FOXA3: variants seen among roughly 807,000 people sequenced by gnomAD.
FOXA3 encodes the protein hepatocyte nuclear factor 3-gamma.
In FOXA3, 11 loss-of-function variants were observed where a neutral mutation model predicts 16.9. That is an observed-to-expected ratio of 0.65 (90% CI 0.41 to 1.08). The LOEUF (loss-of-function observed/expected upper bound fraction) is 1.08. Ranked by LOEUF, FOXA3 falls within the 50% of genes least tolerant of loss-of-function variation. The pLI is 0.00. For missense variants in FOXA3, 423 were observed against 470.1 expected (o/e 0.90, Z 0.93); for synonymous variants, 217 against 203.3 (o/e 1.07, Z -0.57).
chr19:45,866,460 G>A (rs1057203580), intron 1 of FOXA3, among the ~76,000 whole-genome samples: 4 of 151,988 alleles, frequency 2.6e-5, no homozygotes, highest in Non-Finnish European at 5.9e-5. Context: ...GCATTTCAGG[G>A]CATATTTTGG....
rs1248034487 is a variant in FOXA3 at position 45,872,561 on chromosome 19, G to A, written c.556G>A (p.Gly186Ser). The change falls in exon 2 of 2, where the codon GGC becomes AGC. Residue 186 changes from glycine to serine, a missense_variant. Coordinates refer to ENST00000302177, the MANE Select transcript of FOXA3 (RefSeq NM_004497.3). This position sits in a 1 kb window ranked among gnomAD's most constrained non-coding sequence, Gnocchi z 4.5. The stretch of plus-strand genomic sequence containing the variant: ...GGTGGCGCGTTCCCCAGACAAGCCT[G>A]GCAAGGGCTCCTACTGGGCCCTACA... ...VKVARSPDKP[G>S]KGSYWALHPS... 6.2e-7 allele frequency: 1 copy of A among 1,614,140 alleles called. No individual in the cohort carries two copies. Among genetic ancestry groups the A allele is most frequent in the South Asian group, 1.1e-5 (1 of 91,088 alleles).
intron 1 of FOXA3, 89 bp downstream of exon 1, chr19:45,864,614 A>G: frequency 8.9e-7 from 1 of 1,125,290 alleles, no homozygotes; most frequent in Non-Finnish European, 1.2e-6. Context: ...GTGGGTTCAA[A>G]TGGAGGCAAA....
chr19:45,872,736 C>G lies in FOXA3; in HGVS notation c.731C>G (p.Ala244Gly). The G allele has an allele frequency of 6.2e-7, 1 of 1,601,748 alleles. No homozygotes were observed. The highest frequency in any genetic ancestry group is 8.5e-7 in the Non-Finnish European group (1 of 1,174,806). The change falls in exon 2 of 2, where the codon GCG becomes GGG. Residue 244 changes from alanine (A) to glycine (G), a missense_variant. Ala to Gly is a moderately conservative substitution (Grantham distance 60). Transcript: ENST00000302177. This position sits in a 1 kb window ranked among gnomAD's most constrained non-coding sequence, Gnocchi z 4.5. ...TGSAASTTTP[A>G]ATVTSPPQPP... ...TCTGCTGCCTCGACCACCACCCCCG[C>G]GGCCACAGTCACCTCCCCGCCCCAG...
chr19:45,871,511 G>A (rs554747767), intron 1 of FOXA3, among the ~76,000 whole-genome samples: 31 of 151,428 alleles, frequency 2.0e-4, no homozygotes, highest in African/African-American at 7.3e-4. Flanking sequence ...CAGATCACGA[G>A]GTCAGGAGTT....
rs185512260 is a variant in FOXA3 at position 45,871,378 on chromosome 19, C to A, written c.70-697C>A. ...CATTCTCTCTGTTGGAATATCAACA[C>A]CCCCTGGAAAACTCCACTGTACACT... is the stretch of plus-strand genomic sequence containing the variant. On this transcript the variant is annotated intron_variant, in intron 1 of 1. Transcript: ENST00000302177. 7.9e-5 allele frequency among the ~76,000 whole-genome samples: 12 copies of A among 152,154 alleles called. No individual in the cohort carries two copies. The East Asian group carries it at 1.5e-3, about 20-fold the overall frequency.
chr19:45,870,262 CG>C (rs1253807967), intron 1 of FOXA3, among the ~76,000 whole-genome samples: 3 of 146,080 alleles, frequency 2.1e-5, no homozygotes, highest in African/African-American at 7.6e-5. Flanking sequence ...CTCCACCTTC[CG>C]GGTTCACGCC....
intron 1 of FOXA3, among the ~76,000 whole-genome samples, chr19:45,867,380 TG>T (rs1320335749): frequency 6.6e-6 from 1 of 150,978 alleles, no homozygotes; most frequent in Non-Finnish European, 1.5e-5. Flanking sequence ...CTGTAAGACT[TG>T]GGGTGAGGGG....
Position 45,873,444 on chromosome 19 carries a change from AGGTGC to A in FOXA3, c.*387_*391del. 6 of 274,228 alleles carry A rather than the reference AGGTGC, an allele frequency of 2.2e-5. No homozygotes were observed. The highest frequency in any genetic ancestry group is 8.9e-5 in the East Asian group (1 of 11,226). 17.0% of individuals were successfully genotyped at this position (274,228 alleles called of 1,614,324 possible). On this transcript the variant is annotated 3_prime_UTR_variant, in exon 2 of 2. Transcript: ENST00000302177. The stretch of plus-strand genomic sequence containing the variant: ...TCTTTTTTGGTGTACTTGGCACAGT[AGGTGC>A]CAAGTTGGCCACCATTCTGTGTAAC...
At chr19:45,866,867 T>G (rs1346392345) in intron 1 of FOXA3, among the ~76,000 whole-genome samples, 1 of 152,122 alleles carries the variant, frequency 6.6e-6, no homozygotes, top group Non-Finnish European at 1.5e-5. Flanking sequence ...GCTTCTGGCT[T>G]CACACTGCCT....
In FOXA3 at chr19:45,872,003, A is replaced by G. The variant is rs1966908759; in HGVS notation, c.70-72A>G. The stretch of plus-strand genomic sequence containing the variant: ...AAGATGGACAGACAGACGGACACTC[A>G]GTGGGTCCTGGGATCCTTTGCTGAC... On this transcript the variant is annotated intron_variant, in intron 1 of 1. Coordinates refer to ENST00000302177, the MANE Select transcript of FOXA3 (RefSeq NM_004497.3). The surrounding 1 kb of genome is among the most constrained non-coding windows in gnomAD (Gnocchi z 4.5). The G allele has an allele frequency of 1.4e-6, 2 of 1,447,180 alleles. No homozygotes were observed. The highest frequency in any genetic ancestry group is 1.4e-5 in the African/African-American group (1 of 70,584). 89.6% of individuals were successfully genotyped at this position (1,447,180 alleles called of 1,614,324 possible).
In FOXA3 at chr19:45,872,262, G is replaced by C; in HGVS notation, c.257G>C (p.Gly86Ala). Residue 86 changes from glycine (G) to alanine (A), a missense_variant, in exon 2 of 2, where the codon GGC becomes GCC. Physicochemically the swap from Gly to Ala is moderately conservative, Grantham distance 60 (BLOSUM62 0). Around this residue, in one of 3 missense-constraint regions of FOXA3, gnomAD observed 170 missense variants for 153.9 expected, o/e 1.10. Coordinates refer to ENST00000302177, the MANE Select transcript of FOXA3 (RefSeq NM_004497.3). The surrounding 1 kb of genome is among the most constrained non-coding windows in gnomAD (Gnocchi z 4.5). ...TTCCCAGGCCTGGGTGTCAGCGGTG[G>C]CAGCAGCAGCTCCGGGTACGGGGCC... ...PTFPGLGVSGGSSSSGYGAPG... is the reference protein window; with the variant it reads ...PTFPGLGVSGASSSSGYGAPG... 1 of 1,610,450 alleles carries C rather than the reference G, an allele frequency of 6.2e-7. No homozygotes were observed. The highest frequency in any genetic ancestry group is 8.5e-7 in the Non-Finnish European group (1 of 1,177,224).
In FOXA3 at chr19:45,864,977, G is replaced by C. The variant is rs549720433; in HGVS notation, c.69+452G>C. Among the ~76,000 whole-genome samples the C allele has an allele frequency of 3.9e-5, 6 of 152,214 alleles. No homozygotes were observed. The East Asian group carries it at 1.2e-3, about 29-fold the overall frequency. ...CATTAAGGGGAAGACTGAGGTGGGA[G>C]CTCAGGGCCAGCACACAGTGTTAAA... On this transcript the variant is annotated intron_variant, in intron 1 of 1. Transcript: ENST00000302177.
At position 45,872,258 on chromosome 19, in the gene FOXA3, G is replaced by T; in HGVS notation, c.253G>T (p.Gly85Cys). The change falls in exon 2 of 2, where the codon GGT becomes TGT. Residue 85 changes from glycine to cysteine, a missense_variant. Physicochemically the swap from Gly to Cys is radical, Grantham distance 159 (BLOSUM62 -3). This residue lies in a region of FOXA3 where 170 missense variants were observed against 153.9 expected (regional missense o/e 1.10). Coordinates refer to ENST00000302177, the MANE Select transcript of FOXA3 (RefSeq NM_004497.3). The surrounding 1 kb of genome is among the most constrained non-coding windows in gnomAD (Gnocchi z 4.5). ...GPTFPGLGVS[G>C]GSSSSGYGAP... ...CACTTTCCCAGGCCTGGGTGTCAGCGGTGGCAGCAGCAGCTCCGGGTACGG... is the reference window on the plus strand; with the variant it reads ...CACTTTCCCAGGCCTGGGTGTCAGCTGTGGCAGCAGCAGCTCCGGGTACGG... 6 of 1,610,432 alleles carry T rather than the reference G, an allele frequency of 3.7e-6. No homozygotes were observed. Among genetic ancestry groups the T allele is most frequent in the Admixed American group, 1.7e-5 (1 of 59,930 alleles).
chr19:45,869,350 G>C (rs1264386545), intron 1 of FOXA3, among the ~76,000 whole-genome samples: 1 of 152,054 alleles, frequency 6.6e-6, no homozygotes, highest in Non-Finnish European at 1.5e-5. Context: ...AACCTCTCTG[G>C]GCCTCAGCTA....
intron 1 of FOXA3, among the ~76,000 whole-genome samples, chr19:45,870,261 C>G (rs1216643722): frequency 1.3e-5 from 2 of 150,906 alleles, no homozygotes; most frequent in Admixed American, 1.3e-4. Context: ...GCTCCACCTT[C>G]CGGGTTCACG....
chr19:45,864,474 G>C lies in FOXA3; in HGVS notation c.18G>C (p.Lys6Asn), dbSNP rs765086383. 34 of 1,529,000 alleles carry C rather than the reference G, an allele frequency of 2.2e-5. No homozygotes were observed. Among genetic ancestry groups the C allele is most frequent in the Admixed American group, 2.0e-5 (1 of 49,980 alleles). 94.7% of individuals were successfully genotyped at this position (1,529,000 alleles called of 1,614,324 possible). The change falls in exon 1 of 2, where the codon AAG becomes AAC. Residue 6 changes from lysine to asparagine, a missense_variant. Coordinates refer to ENST00000302177, the MANE Select transcript of FOXA3 (RefSeq NM_004497.3). Reference sequence around the variant, plus strand: ...CCCGGGGGATGCTGGGCTCAGTGAAGATGGAGGCCCATGACCTGGCCGAGT... The same window carrying C: ...CCCGGGGGATGCTGGGCTCAGTGAACATGGAGGCCCATGACCTGGCCGAGT... The part of the protein sequence containing the change: MLGSV[K>N]MEAHDLAEWS...
At chr19:45,864,660 G>A in intron 1 of FOXA3, 135 bp downstream of exon 1, 1 of 643,922 alleles carries the variant, frequency 1.6e-6, no homozygotes, top group Non-Finnish European at 2.3e-6. Context: ...CTGGGAACAC[G>A]GAGACCAGGT....
intron 1 of FOXA3, among the ~76,000 whole-genome samples, chr19:45,870,366 G>A (rs1481409441): frequency 6.7e-6 from 1 of 149,786 alleles, no homozygotes; most frequent in Non-Finnish European, 1.5e-5. Flanking sequence ...GTAGAGACAG[G>A]GTTTCACCGT....
chr19:45,870,950 G>A (rs1966898528), intron 1 of FOXA3, among the ~76,000 whole-genome samples: 1 of 151,740 alleles, frequency 6.6e-6, no homozygotes, highest in South Asian at 2.1e-4. Context: ...AATTAGCTGG[G>A]TGTGCGGTGC....
Sources: gnomAD v4.1 joint callset for allele counts (sites outside exome capture counted in the v4.1 genomes callset) on GRCh38, gnomAD v4.1.1 for gene constraint, gnomAD v4.1.1 regional missense constraint, Gnocchi (gnomAD v3.1) non-coding constraint, MANE v1.5 for transcripts, NCBI Gene and HGNC (gene_info 2026-07-23, HGNC 2026-07-21) for gene names.